Variants in ARHGAP15 observed in about 807,000 individuals in gnomAD.
ARHGAP15 encodes the protein rho GTPase-activating protein 15.
In ARHGAP15, 51 loss-of-function variants were observed where a neutral mutation model predicts 63.7. The observed-to-expected ratio is 0.80, with a 90% CI of 0.64 to 1.01. The LOEUF is 1.01. Ranked by LOEUF, ARHGAP15 falls within the 50% of genes least tolerant of loss-of-function variation. The pLI is 0.00. For missense variants in ARHGAP15, 560 were observed against 564.6 expected (o/e 0.99, Z 0.08); for synonymous variants, 191 against 193.8 (o/e 0.99, Z 0.12).
At chr2:143,366,997 C>G (rs980611976) in intron 6 of ARHGAP15, among the ~76,000 whole-genome samples, 11 of 152,074 alleles carry the variant, frequency 7.2e-5, no homozygotes, top group Non-Finnish European at 1.2e-4. Flanking sequence ...GTCCATGACA[C>G]TTGCAATTGG....
chr2:143,450,848 C>T (rs1197771578), intron 8 of ARHGAP15, among the ~76,000 whole-genome samples: 1 of 151,872 alleles, frequency 6.6e-6, no homozygotes, highest in African/African-American at 2.4e-5. Flanking sequence ...ATTATTGTTG[C>T]CTGTCTCCAT....
chr2:143,290,449 G>C (rs1682336145), intron 6 of ARHGAP15, among the ~76,000 whole-genome samples: 1 of 152,086 alleles, frequency 6.6e-6, no homozygotes, highest in Non-Finnish European at 1.5e-5. Flanking sequence ...AAGGGCAGCG[G>C]CTATTCAACT....
intron 5 of ARHGAP15, among the ~76,000 whole-genome samples, chr2:143,229,852 C>T (rs1178709903): frequency 1.3e-5 from 2 of 152,062 alleles, no homozygotes; most frequent in Non-Finnish European, 1.5e-5. Context: ...TTCTGATAAC[C>T]GCAGTAGCCT....
At chr2:143,662,712 G>C (rs1292641484) in intron 12 of ARHGAP15, among the ~76,000 whole-genome samples, 1 of 90,104 alleles carries the variant, frequency 1.1e-5, no homozygotes, top group East Asian at 3.8e-4. Flanking sequence ...ATACAGAGAA[G>C]TGCTTAAAGG....
intron 12 of ARHGAP15, among the ~76,000 whole-genome samples, chr2:143,626,520 C>T (rs769520020): frequency 3.3e-5 from 5 of 152,048 alleles, no homozygotes; most frequent in Admixed American, 2.0e-4. Context: ...TTGTGAAGAG[C>T]GAAAGGACAA....
At chr2:143,319,228 CTTT>C (rs397939107) in intron 6 of ARHGAP15, among the ~76,000 whole-genome samples, 4 of 140,502 alleles carry the variant, frequency 2.8e-5, no homozygotes, top group Admixed American at 7.2e-5. Flanking sequence ...TGGTTCCCGC[CTTT>C]TTTTTTTTTT....
chr2:143,392,805 G>A (rs1413795095), intron 6 of ARHGAP15, among the ~76,000 whole-genome samples: 1 of 152,090 alleles, frequency 6.6e-6, no homozygotes, highest in East Asian at 1.9e-4. Flanking sequence ...TGACCTTTGG[G>A]TGACTGGTCT....
intron 1 of ARHGAP15, among the ~76,000 whole-genome samples, chr2:143,135,452 G>T (rs149138203): frequency 2.5e-3 from 376 of 152,206 alleles, no homozygotes; most frequent in Middle Eastern, 6.8e-3. Flanking sequence ...GAGATACAAA[G>T]AAATAGATAT....
At chr2:143,693,237 G>A (rs1156865503) in intron 12 of ARHGAP15, among the ~76,000 whole-genome samples, 1 of 152,046 alleles carries the variant, frequency 6.6e-6, no homozygotes, top group Non-Finnish European at 1.5e-5. Context: ...CAAAGCAATG[G>A]GAAAACACAT....
chr2:143,497,001 A>G (rs1234738308), intron 9 of ARHGAP15, among the ~76,000 whole-genome samples: 1 of 152,188 alleles, frequency 6.6e-6, no homozygotes, highest in Non-Finnish European at 1.5e-5. Context: ...AGTTTGAAAT[A>G]TTGTATTTGA....
intron 2 of ARHGAP15, among the ~76,000 whole-genome samples, chr2:143,201,184 A>G (rs958664446): frequency 6.6e-6 from 1 of 151,294 alleles, no homozygotes; most frequent in Non-Finnish European, 1.5e-5. Context: ...ATCATAGCTT[A>G]CTGCAGCCTC....
chr2:143,391,002 A>G (rs1687515664), intron 6 of ARHGAP15, among the ~76,000 whole-genome samples: 1 of 152,176 alleles, frequency 6.6e-6, no homozygotes, highest in Non-Finnish European at 1.5e-5. Flanking sequence ...ACCAGCACAG[A>G]GTTACCTGGG....
chr2:143,543,232 C>T (rs1486813136), intron 10 of ARHGAP15, among the ~76,000 whole-genome samples: 1 of 152,014 alleles, frequency 6.6e-6, no homozygotes, highest in Non-Finnish European at 1.5e-5. Flanking sequence ...TTAATAATAG[C>T]CATTCTATCA....
intron 3 of ARHGAP15, among the ~76,000 whole-genome samples, chr2:143,212,710 A>G (rs1394215462): frequency 6.6e-6 from 1 of 152,196 alleles, no homozygotes; most frequent in Non-Finnish European, 1.5e-5. Flanking sequence ...AATAATTATT[A>G]GAGAAACTAA....
At chr2:143,679,544 G>T (rs1412881986) in intron 12 of ARHGAP15, among the ~76,000 whole-genome samples, 1 of 152,072 alleles carries the variant, frequency 6.6e-6, no homozygotes, top group Non-Finnish European at 1.5e-5. Context: ...CTCTGCCCAA[G>T]ATAGCTTGAA....
chr2:143,328,267 C>T (rs1030630025), intron 6 of ARHGAP15, among the ~76,000 whole-genome samples: 1 of 152,112 alleles, frequency 6.6e-6, no homozygotes, highest in Admixed American at 6.6e-5. Context: ...AATTATAAAT[C>T]ATTCTATAAA....
At chr2:143,315,089 G>T (rs571907104) in intron 6 of ARHGAP15, among the ~76,000 whole-genome samples, 1 of 152,260 alleles carries the variant, frequency 6.6e-6, no homozygotes, top group South Asian at 2.1e-4. Context: ...CTTCAAGGAG[G>T]TTTGCAGATT....
At chr2:143,463,975 C>A (rs1432995697) in intron 8 of ARHGAP15, among the ~76,000 whole-genome samples, 2 of 152,160 alleles carry the variant, frequency 1.3e-5, no homozygotes, top group African/African-American at 4.8e-5. Flanking sequence ...GATGGGCATA[C>A]CTATCCAACA....
intron 12 of ARHGAP15, among the ~76,000 whole-genome samples, chr2:143,643,242 C>G (rs1288783576): frequency 6.6e-6 from 1 of 152,036 alleles, no homozygotes; most frequent in African/African-American, 2.4e-5. Context: ...TGATTTGGCA[C>G]TACATTTGGC....
Sources: allele counts gnomAD v4.1 joint callset (sites outside exome capture counted in the v4.1 genomes callset), GRCh38; gene constraint gnomAD v4.1.1; transcripts MANE v1.5; gene names NCBI Gene and HGNC (gene_info 2026-07-23, HGNC 2026-07-21).